PATL1: variants seen among roughly 807,000 people sequenced by gnomAD.
PATL1 encodes protein PAT1 homolog 1.
Under a neutral mutation model 100.6 loss-of-function variants are expected in PATL1, and 32 were observed. The observed-to-expected ratio is 0.32, with a 90% CI of 0.24 to 0.43. PATL1 has a LOEUF of 0.43. Ranked by LOEUF, PATL1 falls within the 20% of genes least tolerant of loss-of-function variation. The pLI is 1.00. For synonymous variants in PATL1, 332 were observed against 330.0 expected (o/e 1.01, Z -0.07); for missense variants, 747 against 949.9 (o/e 0.79, Z 2.81).
At position 59,648,022 on chromosome 11, in the gene PATL1, C is replaced by T. The variant is rs1380707446; in HGVS notation, c.1734-109G>A. 4 of 912,204 alleles carry T rather than the reference C, an allele frequency of 4.4e-6. No homozygotes were observed. In the East Asian group the frequency reaches 1.1e-4, roughly 24 times the overall value. 56.5% of individuals were successfully genotyped at this position (912,204 alleles called of 1,614,324 possible). ...AATATACTGCATTCATTTTCATTCT[C>T]TAATAACCTGTACTATAAAACAGTA... On this transcript the variant is annotated intron_variant, in intron 14 of 18. Transcript: ENST00000300146.
At chr11:59,653,924 A>G in intron 9 of PATL1, 59 bp downstream of exon 9, 1 of 1,450,546 alleles carries the variant, frequency 6.9e-7, no homozygotes, top group African/African-American at 1.4e-5. Flanking sequence ...GCATGTTGTT[A>G]CACTGTTAAA....
intron 4 of PATL1, among the ~76,000 whole-genome samples, 199 bp from the exon 5 acceptor site, chr11:59,657,923 G>C (rs901906424): frequency 1.3e-5 from 2 of 152,034 alleles, no homozygotes; most frequent in African/African-American, 4.8e-5. Context: ...CAGCGCCTTG[G>C]GAGGGTGAGG....
intron 9 of PATL1, 128 bp from the exon 10 acceptor site, chr11:59,653,146 A>C (rs1375867163): frequency 1.0e-5 from 8 of 764,796 alleles, no homozygotes; most frequent in Non-Finnish European, 1.6e-5. Context: ...TTAAAAGGGG[A>C]GTGAAAAAGA....
At chr11:59,640,555 T>C (rs1468386178) in intron 16 of PATL1, among the ~76,000 whole-genome samples, 1 of 149,400 alleles carries the variant, frequency 6.7e-6, no homozygotes, top group East Asian at 2.0e-4. Flanking sequence ...CTGCCTCTAC[T>C]AAAAAATACA....
Position 59,653,021 on chromosome 11 carries a change from G to T in PATL1, c.1122-3C>A. The T allele has an allele frequency of 6.2e-7, 1 of 1,605,280 alleles. No homozygotes were observed. Among genetic ancestry groups the T allele is most frequent in the Non-Finnish European group, 8.5e-7 (1 of 1,174,080 alleles). On this transcript the variant is annotated splice_polypyrimidine_tract_variant and splice_region_variant and intron_variant, in intron 9 of 18. Coordinates refer to ENST00000300146, the MANE Select transcript of PATL1 (RefSeq NM_152716.3). Reference sequence around the variant, plus strand: ...CACCATTGAGATTCCGATGCTGACTGAAAAACATACACCACATTCATTCCA... The same window carrying T: ...CACCATTGAGATTCCGATGCTGACTTAAAAACATACACCACATTCATTCCA...
Position 59,652,584 on chromosome 11 carries a change from A to T in PATL1, c.1306T>A (p.Tyr436Asn). 1 of 1,613,444 alleles carries T rather than the reference A, an allele frequency of 6.2e-7. No homozygotes were observed. The highest frequency in any genetic ancestry group is 8.5e-7 in the Non-Finnish European group (1 of 1,179,732). ...GACAGTTTCTCCAGTTTTTCAAAGT[A>T]ATTCTACCACGAGAAGATGATTTCA... is the stretch of plus-strand genomic sequence containing the variant. Reference protein sequence around the residue: ...PYLDDFYYQNYFEKLEKLSAA... With the variant: ...PYLDDFYYQNNFEKLEKLSAA... The change falls in exon 11 of 19, where the codon TAC becomes AAC. Residue 436 changes from tyrosine to asparagine, a missense_variant. Around this residue, in one of 4 missense-constraint regions of PATL1, gnomAD observed 434 missense variants for 596.1 expected, o/e 0.73. Coordinates refer to ENST00000300146, the MANE Select transcript of PATL1 (RefSeq NM_152716.3).
At chr11:59,662,299 G>A (rs1198931219) in intron 2 of PATL1, among the ~76,000 whole-genome samples, 1 of 152,102 alleles carries the variant, frequency 6.6e-6, no homozygotes, top group Non-Finnish European at 1.5e-5. Context: ...TCCGGGACAT[G>A]GGTCTTCTTT....
chr11:59,665,105 A>G (rs1193885922), intron 2 of PATL1, among the ~76,000 whole-genome samples: 4 of 152,126 alleles, frequency 2.6e-5, no homozygotes, highest in African/African-American at 9.7e-5. Flanking sequence ...TACTTTCAAC[A>G]CTTTTCTTGC....
At chr11:59,657,164 C>G in intron 5 of PATL1, 1 of 975,686 alleles carries the variant, frequency 1.0e-6, no homozygotes, top group Non-Finnish European at 1.2e-6. Context: ...CTAGGGAAAG[C>G]AGGGATATCT....
In PATL1 at chr11:59,653,991, C is replaced by G; in HGVS notation, c.1113G>C (p.Gln371His). The G allele has an allele frequency of 6.2e-7, 1 of 1,611,026 alleles. No individual in the cohort carries two copies. The highest frequency in any genetic ancestry group is 8.5e-7 in the Non-Finnish European group (1 of 1,177,240). ...HRRLLHQRQQ[Q>H]NRSQHRNLNG... Reference sequence around the variant, plus strand: ...ATCGGATGAGTACTTACCTTCTATTCTGTTGCTGTCTCTGATGCAAGAGTC... The same window carrying G: ...ATCGGATGAGTACTTACCTTCTATTGTGTTGCTGTCTCTGATGCAAGAGTC... The change falls in exon 9 of 19, where the codon CAG becomes CAC. Residue 371 changes from glutamine to histidine, a missense_variant. By Grantham distance (24) the Gln-to-His change is conservative. Transcript: ENST00000300146.
chr11:59,658,217 G>C (rs1401983885), intron 4 of PATL1, among the ~76,000 whole-genome samples: 4 of 151,308 alleles, frequency 2.6e-5, no homozygotes, highest in Non-Finnish European at 5.9e-5. Flanking sequence ...TCACTCCCCA[G>C]AAATTCCATT....
At chr11:59,650,988 C>T (rs1258900736) in intron 12 of PATL1, among the ~76,000 whole-genome samples, 175 bp from the exon 13 acceptor site, 1 of 152,172 alleles carries the variant, frequency 6.6e-6, no homozygotes, top group Non-Finnish European at 1.5e-5. Flanking sequence ...CTGAATCAAT[C>T]CACAAACTAT....
chr11:59,647,222 C>CAAAAAAAAAAAAAAAAAA, intron 15 of PATL1, among the ~76,000 whole-genome samples: 1 of 60,496 alleles, frequency 1.7e-5, no homozygotes. Flanking sequence ...AACTCTGTCT[C>CAAAAAAAAAAAAAAAAAA]AAAAAAAAAA....
Position 59,638,352 on chromosome 11 carries a change from G to C in PATL1, c.*38C>G, listed in dbSNP as rs751825278. On this transcript the variant is annotated 3_prime_UTR_variant, in exon 19 of 19. Transcript: ENST00000300146. ...ATTGGTGATGGCAGCAGTGCAGGTG[G>C]CAGCCAAAAGGAGGTACAGGACACA... 1.2e-6 allele frequency: 2 copies of C among 1,601,086 alleles called. No individual in the cohort carries two copies. The highest frequency in any genetic ancestry group is 1.7e-6 in the Non-Finnish European group (2 of 1,169,340).
At chr11:59,648,148 T>G (rs975908307) in intron 14 of PATL1, among the ~76,000 whole-genome samples, 2 of 151,754 alleles carry the variant, frequency 1.3e-5, no homozygotes, top group African/African-American at 4.8e-5. Flanking sequence ...AAAAAAAACT[T>G]GGCCAACTGT....
intron 9 of PATL1, 71 bp from the exon 10 acceptor site, chr11:59,653,089 C>A (rs907754936): frequency 7.5e-7 from 1 of 1,330,286 alleles, no homozygotes; most frequent in Non-Finnish European, 1.0e-6. Context: ...GAGGAATAAA[C>A]CAGGCCAGTT....
rs1861591733 is a variant in PATL1, at chr11:59,659,148, T to C, written c.345+104A>G. The C allele has an allele frequency of 1.4e-5, 15 of 1,035,756 alleles. No homozygotes were observed. In the South Asian group the frequency reaches 2.2e-4, roughly 15 times the overall value. The allele number at this position is 1,035,756 out of a possible 1,614,324, so 64.2% of individuals were successfully genotyped here. A position where few individuals can be genotyped will look rare whatever the true frequency, so the allele number is the denominator to read the frequency against. ...AATATATTATCAATTTTCTATGGTA[T>C]ATGTAAATCTCTCATTATAATAGAT... On this transcript the variant is annotated intron_variant, in intron 3 of 18. Transcript: ENST00000300146.
intron 2 of PATL1, among the ~76,000 whole-genome samples, chr11:59,665,455 A>G (rs1052207480): frequency 4.6e-5 from 7 of 152,244 alleles, no homozygotes; most frequent in Non-Finnish European, 1.0e-4. Context: ...TTCCAGCACC[A>G]AGTCTAAGCA....
intron 3 of PATL1, 119 bp from the exon 4 acceptor site, chr11:59,659,065 AG>A (rs1461138033): frequency 9.6e-7 from 1 of 1,045,688 alleles, no homozygotes; most frequent in East Asian, 2.6e-5. Context: ...ACGAAATTAT[AG>A]GGCTCCAGAA....
Sources: gnomAD v4.1 joint callset for allele counts (sites outside exome capture counted in the v4.1 genomes callset) on GRCh38, gnomAD v4.1.1 for gene constraint, gnomAD v4.1.1 regional missense constraint, MANE v1.5 for transcripts, NCBI Gene and HGNC (gene_info 2026-07-23, HGNC 2026-07-21) for gene names.